Variants in AXL observed in about 807,000 individuals in gnomAD.
The protein encoded by AXL is AXL receptor tyrosine kinase.
A neutral mutation model predicts 104.5 loss-of-function variants in AXL; 52 were observed. The ratio of observed to expected loss-of-function variants is 0.50; its 90% CI spans 0.40 to 0.63. The LOEUF is 0.63. Ranked by LOEUF, AXL falls within the 20% of genes least tolerant of loss-of-function variation. AXL has a pLI of 0.00. For missense variants in AXL, 1,024 were observed against 1,188.5 expected (o/e 0.86, Z 2.04); for synonymous variants, 455 against 473.7 (o/e 0.96, Z 0.51).
intron 6 of AXL, among the ~76,000 whole-genome samples, chr19:41,232,628 A>G (rs12459223): frequency 0.5 from 74,523 of 148,374 alleles, 19,205 homozygotes; most frequent in African/African-American, 0.65. Flanking sequence ...CGTCTCAAGA[A>G]AAAAAAAAAA....
In AXL at chr19:41,242,897, A is replaced by G. The variant is rs1349581273; in HGVS notation, c.1327A>G (p.Thr443Ala). The change falls in exon 11 of 20, where the codon ACT becomes GCT. Residue 443 changes from threonine to alanine, a missense_variant. Physicochemically the swap from Thr to Ala is moderately conservative, Grantham distance 58. Coordinates refer to ENST00000301178, the MANE Select transcript of AXL (RefSeq NM_021913.5). The stretch of plus-strand genomic sequence containing the variant: ...CCCCCTGATAGTGAAGGAACCTTCA[A>G]CTCCTGCCTTCTCGTGGCCCTGGTG... ...PVHQLVKEPS[T>A]PAFSWPWWYV... 1 of 1,613,670 alleles carries G rather than the reference A, an allele frequency of 6.2e-7. No homozygotes were observed. The highest frequency in any genetic ancestry group is 1.7e-5 in the Admixed American group (1 of 59,976).
intron 12 of AXL, 54 bp from the exon 13 acceptor site, chr19:41,248,460 C>T: frequency 1.3e-6 from 2 of 1,542,100 alleles, no homozygotes; most frequent in Non-Finnish European, 1.8e-6. Flanking sequence ...GGGTGAATGT[C>T]ACCTGAATGT....
intron 4 of AXL, among the ~76,000 whole-genome samples, chr19:41,225,376 C>G (rs572599416): frequency 1.3e-5 from 2 of 152,148 alleles, no homozygotes; most frequent in Non-Finnish European, 2.9e-5. Flanking sequence ...CATCTTATGG[C>G]GTAGATGGAG....
intron 15 of AXL, among the ~76,000 whole-genome samples, 157 bp downstream of exon 15, chr19:41,252,600 T>G (rs1233239941): frequency 6.6e-6 from 1 of 152,168 alleles, no homozygotes; most frequent in East Asian, 1.9e-4. Context: ...CTCCCTCAGC[T>G]TGGAATGTGA....
chr19:41,219,242 A>G lies in AXL; in HGVS notation c.-151A>G, dbSNP rs2033738800. On this transcript the variant is annotated 5_prime_UTR_variant, in exon 1 of 20. Coordinates refer to ENST00000301178, the MANE Select transcript of AXL (RefSeq NM_021913.5). Reference sequence around the variant, plus strand: ...GGTGCTGAGAAGGCGGCTGCTGGGCAGAGCCGGTGGCAAGGGCCTCCCCTG... The same window carrying G: ...GGTGCTGAGAAGGCGGCTGCTGGGCGGAGCCGGTGGCAAGGGCCTCCCCTG... 6 of 693,376 alleles carry G rather than the reference A, an allele frequency of 8.7e-6. No individual in the cohort carries two copies. The South Asian group carries it at 1.2e-4, about 13-fold the overall frequency. The allele number at this position is 693,376 out of a possible 1,614,324, so 43.0% of individuals were successfully genotyped here. A position where few individuals can be genotyped will look rare whatever the true frequency, so the allele number is the denominator to read the frequency against.
chr19:41,245,408 G>C (rs781071683), intron 12 of AXL, among the ~76,000 whole-genome samples: 1 of 152,162 alleles, frequency 6.6e-6, no homozygotes, highest in Non-Finnish European at 1.5e-5. Flanking sequence ...AGCCGAGGAG[G>C]GGATCTCAGA....
chr19:41,257,530 G>A lies in AXL; in HGVS notation c.2234G>A (p.Arg745Lys), dbSNP rs1390947074. The part of the protein sequence containing the change: ...FGVTMWEIAT[R>K]GQTPYPGVEN... ...GTGACAATGTGGGAGATTGCCACAA[G>A]AGGCCAAACCCCATATCCGGGCGTG... The change falls in exon 19 of 20, where the codon AGA becomes AAA. Residue 745 changes from arginine to lysine, a missense_variant. Physicochemically the swap from Arg to Lys is conservative, Grantham distance 26. Transcript: ENST00000301178. The A allele has an allele frequency of 1.9e-6, 3 of 1,614,150 alleles. No individual in the cohort carries two copies. The highest frequency in any genetic ancestry group is 2.2e-5 in the East Asian group (1 of 44,882).
At chr19:41,222,774 C>T (rs911857402) in intron 4 of AXL, among the ~76,000 whole-genome samples, 46 of 152,016 alleles carry the variant, frequency 3.0e-4, no homozygotes, top group African/African-American at 8.9e-4. Flanking sequence ...GGCGTGGTGG[C>T]GGGCGCCTGT....
Position 41,252,834 on chromosome 19 carries a change from T to A in AXL, c.1805-12T>A. Reference sequence around the variant, plus strand: ...GCCCAGCAGGAGTGACAGGGCTACCTGGGGGGCTCAGGTGTCTGTTTCCAG... The same window carrying A: ...GCCCAGCAGGAGTGACAGGGCTACCAGGGGGGCTCAGGTGTCTGTTTCCAG... On this transcript the variant is annotated splice_polypyrimidine_tract_variant and intron_variant, in intron 15 of 19. Coordinates refer to ENST00000301178, the MANE Select transcript of AXL (RefSeq NM_021913.5). The A allele has an allele frequency of 1.2e-6, 2 of 1,613,588 alleles. No individual in the cohort carries two copies. The highest frequency in any genetic ancestry group is 8.5e-7 in the Non-Finnish European group (1 of 1,179,916).
intron 2 of AXL, 79 bp downstream of exon 2, chr19:41,220,937 G>C: frequency 2.0e-6 from 3 of 1,514,134 alleles, no homozygotes; most frequent in African/African-American, 2.8e-5. Context: ...GGGAACCCCA[G>C]TTTGACCACT....
rs1475665138 is a variant in AXL at position 41,261,745 on chromosome 19, A to G, written c.*1841A>G. On this transcript the variant is annotated 3_prime_UTR_variant, in exon 20 of 20. Coordinates refer to ENST00000301178, the MANE Select transcript of AXL (RefSeq NM_021913.5). ...GTGCCTCCAGAGGGGCTCAGGTCAC[A>G]TAAAACTTTGTATATCAACGAGCTT... 1 of 152,484 alleles carries G rather than the reference A, an allele frequency of 6.6e-6. No homozygotes were observed. The highest frequency in any genetic ancestry group is 1.9e-4 in the East Asian group (1 of 5,196). The allele number at this position is 152,484 out of a possible 1,614,324, so 9.4% of individuals were successfully genotyped here. A position where few individuals can be genotyped will look rare whatever the true frequency, so the allele number is the denominator to read the frequency against.
rs751384116 is a variant in AXL, at chr19:41,253,734, C to CT, written c.2036+26_2036+27insT. The CT allele has an allele frequency of 2.6e-6, 4 of 1,534,948 alleles. No homozygotes were observed. In the South Asian group the frequency reaches 4.6e-5, roughly 18 times the overall value. ...GTGAGTGCCTTTCAGGGACCCCCCC[C>CT]CCCCAACTGCTCCTGCACTCCCTGA... On this transcript the variant is annotated intron_variant, in intron 17 of 19. Coordinates refer to ENST00000301178, the MANE Select transcript of AXL (RefSeq NM_021913.5).
chr19:41,227,089 A>C (rs887386012), intron 4 of AXL, among the ~76,000 whole-genome samples: 2 of 151,960 alleles, frequency 1.3e-5, no homozygotes, highest in African/African-American at 4.8e-5. Flanking sequence ...TAGAGCAAGA[A>C]CCTGTCTCAA....
chr19:41,256,521 C>T lies in AXL; in HGVS notation c.2106C>T (p.Tyr702=), dbSNP rs746856390. 4.3e-5 allele frequency: 70 copies of T among 1,614,110 alleles called. No homozygotes were observed. Among genetic ancestry groups the T allele is most frequent in the Non-Finnish European group, 5.3e-5 (63 of 1,180,044 alleles). Residue 702 remains tyrosine (Y), a synonymous_variant, in exon 18 of 20, where the codon TAC becomes TAT. Coordinates refer to ENST00000301178, the MANE Select transcript of AXL (RefSeq NM_021913.5). The part of the protein sequence containing the change: ...GLSKKIYNGD[Y]YRQGRIAKMP... ...CCAAGAAGATCTACAATGGGGACTA[C>T]TACCGCCAGGGACGTATCGCCAAGA...
intron 4 of AXL, among the ~76,000 whole-genome samples, chr19:41,229,274 G>GT (rs1190290914): frequency 3.3e-5 from 5 of 149,850 alleles, no homozygotes; most frequent in Admixed American, 1.3e-4. Flanking sequence ...ATTATTTTTA[G>GT]TTTTTTTGAG....
chr19:41,231,744 T>A (rs2033992585), intron 6 of AXL, among the ~76,000 whole-genome samples: 1 of 151,954 alleles, frequency 6.6e-6, no homozygotes, highest in Admixed American at 6.6e-5. Context: ...CTGGCCAACA[T>A]AGTGAAACCA....
Position 41,256,796 on chromosome 19 carries a change from C to T in AXL, c.2196+185C>T, listed in dbSNP as rs564075126. On this transcript the variant is annotated intron_variant, in intron 18 of 19. Transcript: ENST00000301178. Reference sequence around the variant, plus strand: ...GGGCATCTCTGAATAGTGGTGTGTACATGCCCAGGATAAATACAGGCCCAC... The same window carrying T: ...GGGCATCTCTGAATAGTGGTGTGTATATGCCCAGGATAAATACAGGCCCAC... Among the ~76,000 whole-genome samples the T allele has an allele frequency of 9.1e-5, 10 of 110,032 alleles. No individual in the cohort carries two copies. The East Asian group carries it at 3.6e-3, about 40-fold the overall frequency. The allele number at this position is 110,032 out of a possible 152,430, so 72.2% of individuals were successfully genotyped here.
intron 6 of AXL, 33 bp downstream of exon 6, chr19:41,231,331 C>T: frequency 6.3e-7 from 1 of 1,575,292 alleles, no homozygotes; most frequent in Non-Finnish European, 8.7e-7. Flanking sequence ...ATTTCAGTCT[C>T]AGGCCTCCTT....
chr19:41,236,708 C>T (rs1276220045), intron 6 of AXL, among the ~76,000 whole-genome samples: 2 of 150,182 alleles, frequency 1.3e-5, no homozygotes, highest in African/African-American at 4.9e-5. Flanking sequence ...ACCTAGGAGA[C>T]GGAGGTTGCA....
Sources: allele counts gnomAD v4.1 joint callset (sites outside exome capture counted in the v4.1 genomes callset), GRCh38; gene constraint gnomAD v4.1.1; transcripts MANE v1.5; gene names NCBI Gene and HGNC (gene_info 2026-07-23, HGNC 2026-07-21).